The following LRP5 variants were observed in gnomAD, a reference collection of about 807,000 sequenced individuals.
LRP5 encodes LDL receptor related protein 5.
A neutral mutation model predicts 154.1 loss-of-function variants in LRP5; 62 were observed. The observed-to-expected ratio is 0.40, with a 90% CI of 0.33 to 0.50. The LOEUF is 0.50. LRP5 is among the 20% of genes least tolerant of loss of function. The pLI is 0.55. For synonymous variants in LRP5, 966 were observed against 1,011.5 expected, an observed-to-expected ratio of 0.96 and a Z score of 0.85; for missense variants, 1,915 against 2,336.7, an observed-to-expected ratio of 0.82 and a Z score of 3.72.
rs1485681276 is a variant in LRP5, at chr11:68,411,769, A to C, written c.2503+149A>C. 3.6e-6 allele frequency: 3 copies of C among 826,728 alleles called. No individual in the cohort carries two copies. The African/African-American group carries it at 5.1e-5, about 14-fold the overall frequency. 51.2% of individuals were successfully genotyped at this position (826,728 alleles called of 1,614,324 possible). A position where few individuals can be genotyped will look rare whatever the true frequency, so the allele number is the denominator to read the frequency against. On this transcript the variant is annotated intron_variant, in intron 11 of 22. Coordinates refer to ENST00000294304, the MANE Select transcript of LRP5 (RefSeq NM_002335.4). Reference sequence around the variant, plus strand: ...ACACCCACGACTGCCCAGCAGCCTCACCCTCTGCTGTGGGAGTTGTCCCCG... The same window carrying C: ...ACACCCACGACTGCCCAGCAGCCTCCCCCTCTGCTGTGGGAGTTGTCCCCG...
chr11:68,393,327 A>G (rs2098647422), intron 7 of LRP5, among the ~76,000 whole-genome samples: 2 of 152,144 alleles, frequency 1.3e-5, no homozygotes, highest in Non-Finnish European at 2.9e-5. Context: ...ATTTGGATAT[A>G]TGTGTAGGGG....
chr11:68,410,224 T>A, intron 10 of LRP5, 84 bp downstream of exon 10: 1 of 1,120,776 alleles, frequency 8.9e-7, no homozygotes, highest in Non-Finnish European at 1.3e-6. Flanking sequence ...GGTGGCAGGC[T>A]GTCCGTGTGG....
rs557739105 is a variant in LRP5 at position 68,421,246 on chromosome 11, G to A, written c.3028-2243G>A. 5.7e-4 allele frequency among the ~76,000 whole-genome samples: 87 copies of A among 152,012 alleles called. 1 individual carries two copies. Among genetic ancestry groups the A allele is most frequent in the African/African-American group, 2.0e-3 (85 of 41,466 alleles). ...CGTCTCACGCAAAACTCTGTCTCAC[G>A]CAAGACTCCGTCTCAAAAAAAAAAA... On this transcript the variant is annotated intron_variant, in intron 13 of 22. Coordinates refer to ENST00000294304, the MANE Select transcript of LRP5 (RefSeq NM_002335.4).
intron 1 of LRP5, among the ~76,000 whole-genome samples, chr11:68,323,865 A>G (rs928008232): frequency 3.9e-5 from 6 of 152,328 alleles, no homozygotes; most frequent in Middle Eastern, 6.8e-3. Context: ...GTCGCTGCTC[A>G]GGGGGCCCAG....
chr11:68,361,532 G>A (rs2098628127), intron 3 of LRP5, among the ~76,000 whole-genome samples: 2 of 151,690 alleles, frequency 1.3e-5, no homozygotes, highest in South Asian at 4.2e-4. Flanking sequence ...AGCCACTCGG[G>A]AGGCTGAGGC....
At chr11:68,376,840 T>C (rs1331542632) in intron 5 of LRP5, among the ~76,000 whole-genome samples, 2 of 152,192 alleles carry the variant, frequency 1.3e-5, no homozygotes, top group Non-Finnish European at 2.9e-5. Flanking sequence ...AGTCACCAAC[T>C]GTTTTATACA....
At chr11:68,331,775 T>C (rs1052217679) in intron 1 of LRP5, among the ~76,000 whole-genome samples, 1 of 130,706 alleles carries the variant, frequency 7.7e-6, no homozygotes, top group African/African-American at 2.9e-5. Context: ...GTGTGTGTGT[T>C]TGAGTGTGCA....
rs1376986917 is a variant in LRP5 at position 68,447,731 on chromosome 11, C to A, written c.4587-1078C>A. On this transcript the variant is annotated intron_variant, in intron 22 of 22. Coordinates refer to ENST00000294304, the MANE Select transcript of LRP5 (RefSeq NM_002335.4). This position sits in a 1 kb window ranked among gnomAD's most constrained non-coding sequence, Gnocchi z 4.3. The stretch of plus-strand genomic sequence containing the variant: ...TCCTGTCCTGCTGCACTTTTCTCAA[C>A]ACCCGGTGTTGGCTGCACCTTCCCA... Among the ~76,000 whole-genome samples, 1 of 152,194 alleles carries A rather than the reference C, an allele frequency of 6.6e-6. No individual in the cohort carries two copies. Among genetic ancestry groups the A allele is most frequent in the Non-Finnish European group, 1.5e-5 (1 of 68,038 alleles).
Position 68,415,294 on chromosome 11 carries a change from G to A in LRP5, c.2828-1034G>A, listed in dbSNP as rs533853466. ...ACACCCTCGAGGAGTGTCTTCTCTC[G>A]GGCTTGTTGACTGTGCCCGGTTTTC... On this transcript the variant is annotated intron_variant, in intron 12 of 22. Transcript: ENST00000294304. 2.6e-5 allele frequency among the ~76,000 whole-genome samples: 4 copies of A among 152,258 alleles called. No individual in the cohort carries two copies. In the South Asian group the frequency reaches 6.2e-4, roughly 24 times the overall value.
intron 1 of LRP5, among the ~76,000 whole-genome samples, chr11:68,316,006 T>G (rs1359647407): frequency 6.6e-6 from 1 of 152,148 alleles, no homozygotes; most frequent in Non-Finnish European, 1.5e-5. Context: ...TTTGGTACAT[T>G]CACAGTGTTT....
intron 5 of LRP5, among the ~76,000 whole-genome samples, chr11:68,375,253 G>A (rs1295987823): frequency 2.0e-5 from 3 of 151,976 alleles, no homozygotes; most frequent in African/African-American, 7.3e-5. Flanking sequence ...TGGGGTCAGT[G>A]ATAGAAGACA....
intron 18 of LRP5, 92 bp downstream of exon 18, chr11:68,433,930 G>A (rs2098673425): frequency 7.9e-7 from 1 of 1,262,846 alleles, no homozygotes; most frequent in Non-Finnish European, 1.1e-6. Context: ...CAGGAGTAGG[G>A]GCTCTGAAAA....
intron 8 of LRP5, 120 bp downstream of exon 8, chr11:68,403,819 G>C: frequency 8.5e-7 from 1 of 1,180,044 alleles, no homozygotes; most frequent in Non-Finnish European, 1.2e-6. Flanking sequence ...GGAAGGGCAG[G>C]ACAGGAAAGG....
intron 1 of LRP5, among the ~76,000 whole-genome samples, chr11:68,334,061 C>G (rs1396520084): frequency 2.0e-5 from 3 of 152,090 alleles, no homozygotes; most frequent in Admixed American, 6.6e-5. Context: ...TGGTGAAACC[C>G]CATCTCTACT....
intron 7 of LRP5, among the ~76,000 whole-genome samples, chr11:68,396,884 C>T (rs895209597): frequency 6.6e-5 from 10 of 152,328 alleles, no homozygotes; most frequent in African/African-American, 2.2e-4. Flanking sequence ...CCGAGTCCTG[C>T]CCCACCACGT....
intron 5 of LRP5, among the ~76,000 whole-genome samples, chr11:68,377,939 G>A (rs959939199): frequency 6.6e-6 from 1 of 152,194 alleles, no homozygotes; most frequent in African/African-American, 2.4e-5. Flanking sequence ...GCTATCCTGG[G>A]TTGGTGCCGG....
At chr11:68,392,174 A>G (rs989124793) in intron 7 of LRP5, among the ~76,000 whole-genome samples, 2 of 152,216 alleles carry the variant, frequency 1.3e-5, no homozygotes, top group African/African-American at 4.8e-5. Context: ...GGTAAAATAA[A>G]CATAGCACAA....
chr11:68,427,978 T>A (rs1259849999), intron 16 of LRP5, among the ~76,000 whole-genome samples: 12 of 143,910 alleles, frequency 8.3e-5, no homozygotes, highest in Non-Finnish European at 1.4e-4. Flanking sequence ...TTATTTTTTT[T>A]ATTTATTTAT....
intron 3 of LRP5, among the ~76,000 whole-genome samples, chr11:68,361,537 T>C (rs2098628133): frequency 6.6e-6 from 1 of 151,364 alleles, no homozygotes; most frequent in African/African-American, 2.4e-5. Context: ...CTCGGGAGGC[T>C]GAGGCAGGAG....
Sources: allele counts gnomAD v4.1 joint callset (sites outside exome capture counted in the v4.1 genomes callset), GRCh38; gene constraint gnomAD v4.1.1; non-coding constraint Gnocchi (gnomAD v3.1); transcripts MANE v1.5; gene names NCBI Gene and HGNC (gene_info 2026-07-23, HGNC 2026-07-21).